ADRM1: variants seen among roughly 807,000 people sequenced by gnomAD.
The protein encoded by ADRM1 is proteasomal ubiquitin receptor ADRM1.
ADRM1 carries 2 observed loss-of-function variants against 40.1 expected under a neutral mutation model. That is an observed-to-expected ratio of 0.05 (90% CI 0.02 to 0.16). ADRM1 has a LOEUF of 0.16. Ranked by LOEUF, ADRM1 falls within the 10% of genes least tolerant of loss-of-function variation. ADRM1 has a pLI of 1.00. For synonymous variants in ADRM1, 287 were observed against 240.4 expected, an observed-to-expected ratio of 1.19 and a Z score of -1.79; for missense variants, 467 against 552.5, an observed-to-expected ratio of 0.85 and a Z score of 1.55.
At chr20:62,305,670 G>T (rs1163443126) in intron 3 of ADRM1, 1 of 153,994 alleles carries the variant, frequency 6.5e-6, no homozygotes, top group African/African-American at 2.4e-5. Context: ...CATTCGGGGT[G>T]TGCGTGGGTG....
chr20:62,303,573 C>G lies in ADRM1; in HGVS notation c.5C>G (p.Thr2Arg). 6.4e-7 allele frequency: 1 copy of G among 1,569,490 alleles called. No individual in the cohort carries two copies. Among genetic ancestry groups the G allele is most frequent in the Non-Finnish European group, 8.6e-7 (1 of 1,156,932 alleles). MTTSGALFPSLV... is the reference protein window; with the variant it reads MRTSGALFPSLV... Reference sequence around the variant, plus strand: ...CGTCCTCTCCGCGCTTTCAGGATGACGACCTCAGGCGCGCTCTTTCCAAGC... The same window carrying G: ...CGTCCTCTCCGCGCTTTCAGGATGAGGACCTCAGGCGCGCTCTTTCCAAGC... The change falls in exon 2 of 10, where the codon ACG becomes AGG. Residue 2 changes from threonine to arginine, a missense_variant. Physicochemically the swap from Thr to Arg is moderately conservative, Grantham distance 71 (BLOSUM62 -1). Transcript: ENST00000253003.
At chr20:62,303,367 C>T (rs1005217687) in intron 1 of ADRM1, 1 of 532,764 alleles carries the variant, frequency 1.9e-6, no homozygotes, top group Non-Finnish European at 3.3e-6. Flanking sequence ...CTTGGCGGGG[C>T]TGCCCCGGCC....
intron 5 of ADRM1, among the ~76,000 whole-genome samples, 168 bp from the exon 6 acceptor site, chr20:62,307,203 A>G (rs950919304): frequency 1.8e-4 from 28 of 152,158 alleles, no homozygotes; most frequent in African/African-American, 6.5e-4. Flanking sequence ...ACACAGCCGC[A>G]AGTGTCCACC....
chr20:62,308,692 C>CAAGCCCGAGCAG lies in ADRM1; in HGVS notation c.1158_1169dup (p.Pro387_Lys390dup). 6.2e-7 allele frequency: 1 copy of CAAGCCCGAGCAG among 1,613,000 alleles called. No homozygotes were observed. The highest frequency in any genetic ancestry group is 8.5e-7 in the Non-Finnish European group (1 of 1,179,968). ...TTGCCAAAGCCATGCAGAACAACGC[C>CAAGCCCGAGCAG]AAGCCCGAGCAGAAAGAGGGCGACA... On this transcript the variant is annotated inframe_insertion, in exon 10 of 10. Coordinates refer to ENST00000253003, the MANE Select transcript of ADRM1 (RefSeq NM_007002.4).
intron 3 of ADRM1, chr20:62,305,704 C>T (rs76765338): frequency 1.0e-3 from 160 of 155,206 alleles, no homozygotes; most frequent in African/African-American, 3.8e-3. Flanking sequence ...TCTGTGAGCT[C>T]GCAGGTCGAT....
chr20:62,303,300 G>T (rs1014648904), intron 1 of ADRM1: 1 of 303,412 alleles, frequency 3.3e-6, no homozygotes. Context: ...CCGGGGTGGC[G>T]CGTCGAGGCT....
chr20:62,306,377 G>A, intron 4 of ADRM1, 57 bp downstream of exon 4: 1 of 1,610,914 alleles, frequency 6.2e-7, no homozygotes, highest in South Asian at 1.1e-5. Flanking sequence ...AGAGTCTACT[G>A]TGGATGACTC....
At chr20:62,308,309 G>T (rs1985457995) in intron 8 of ADRM1, 59 bp from the exon 9 acceptor site, 2 of 1,551,724 alleles carry the variant, frequency 1.3e-6, no homozygotes, top group Non-Finnish European at 8.7e-7. Flanking sequence ...CAGCTGAGCA[G>T]TGTGGCTCTG....
chr20:62,306,638 T>C lies in ADRM1; in HGVS notation c.455-10T>C. 4 of 1,602,994 alleles carry C rather than the reference T, an allele frequency of 2.5e-6. No homozygotes were observed. Among genetic ancestry groups the C allele is most frequent in the Non-Finnish European group, 2.6e-6 (3 of 1,175,106 alleles). ...TGGGGCAGGCCCGCCTGAGCTGCAG[T>C]GTTTTCCAGGTGAGGGTGGCCTGCA... On this transcript the variant is annotated splice_polypyrimidine_tract_variant and intron_variant, in intron 4 of 9. Coordinates refer to ENST00000253003, the MANE Select transcript of ADRM1 (RefSeq NM_007002.4).
intron 9 of ADRM1, 21 bp downstream of exon 9, chr20:62,308,491 C>T (rs776639451): frequency 3.8e-6 from 6 of 1,583,682 alleles, no homozygotes; most frequent in Non-Finnish European, 5.1e-6. Context: ...GCGCCTGCAC[C>T]TCCAGGCCAG....
chr20:62,307,400 C>G lies in ADRM1; in HGVS notation c.571C>G (p.Leu191Val), dbSNP rs773877054. Residue 191 changes from leucine (L) to valine (V), a missense_variant, in exon 6 of 10, where the codon CTG becomes GTG. Physicochemically the swap from Leu to Val is conservative, Grantham distance 32. This residue lies in a region of ADRM1 where 418 missense variants were observed against 474.6 expected (regional missense o/e 0.88). Transcript: ENST00000253003. ...GCTGGGGGCCCTGACTGGACCTGGC[C>G]TGGCCAGCTTACTGGGGAGCAGTGG... ...GGLGALTGPG[L>V]ASLLGSSGPP... 1 of 1,605,426 alleles carries G rather than the reference C, an allele frequency of 6.2e-7. No homozygotes were observed. The highest frequency in any genetic ancestry group is 1.3e-5 in the African/African-American group (1 of 74,554).
At chr20:62,305,021 T>A (rs1984690090) in intron 3 of ADRM1, among the ~76,000 whole-genome samples, 1 of 152,238 alleles carries the variant, frequency 6.6e-6, no homozygotes, top group South Asian at 2.1e-4. Flanking sequence ...GGGGTGTCAG[T>A]GCCCAGGGTT....
intron 2 of ADRM1, chr20:62,304,207 TCCAGCA>T (rs1375570477): frequency 3.2e-5 from 17 of 530,276 alleles, no homozygotes; most frequent in Non-Finnish European, 5.8e-5. Flanking sequence ...GAATGTTGTT[TCCAGCA>T]CGTCTCAGAA....
intron 7 of ADRM1, 39 bp from the exon 8 acceptor site, chr20:62,307,982 G>C (rs773326327): frequency 3.8e-6 from 6 of 1,592,570 alleles, no homozygotes; most frequent in Non-Finnish European, 5.1e-6. Flanking sequence ...TGGGCACTTA[G>C]GCTGTCATCG....
rs1327929989 is a variant in ADRM1, at chr20:62,307,751, A to C, written c.779A>C (p.Gln260Pro). 4 of 1,612,020 alleles carry C rather than the reference A, an allele frequency of 2.5e-6. No homozygotes were observed. The highest frequency in any genetic ancestry group is 3.4e-6 in the Non-Finnish European group (4 of 1,179,782). ...GCCAGCACAGCAGCCAGCCCGACCC[A>C]GCCCATCCAGCTGAGCGACCTCCAG... ...NGASTAASPT[Q>P]PIQLSDLQSI... Residue 260 changes from glutamine (Q) to proline (P), a missense_variant, in exon 7 of 10, where the codon CAG becomes CCG. Transcript: ENST00000253003.
At position 62,304,793 on chromosome 20, in the gene ADRM1, C is replaced by G. The variant is rs185460672; in HGVS notation, c.330+216C>G. ...GGCTCCAGGCTGGGCTGCGGGCAAC[C>G]GATTGCGGTGTGAAATTTCCAGGCA... On this transcript the variant is annotated intron_variant, in intron 3 of 9. Transcript: ENST00000253003. 2.0e-5 allele frequency among the ~76,000 whole-genome samples: 3 copies of G among 152,356 alleles called. No homozygotes were observed. The East Asian group carries it at 5.8e-4, about 29-fold the overall frequency.
rs370182891 is a variant in ADRM1, at chr20:62,307,844, G to C, written c.856+16G>C. ...GGCCAGCAAGGTAACGTGTGCTGTC[G>C]CCTGGAGCTGGGTGGGGGGCATGGG... On this transcript the variant is annotated intron_variant, in intron 7 of 9. Transcript: ENST00000253003. The C allele has an allele frequency of 1.9e-6, 3 of 1,586,688 alleles. No individual in the cohort carries two copies. The highest frequency in any genetic ancestry group is 2.6e-6 in the Non-Finnish European group (3 of 1,167,404).
intron 3 of ADRM1, 102 bp downstream of exon 3, chr20:62,304,679 C>G: frequency 9.7e-7 from 1 of 1,029,810 alleles, no homozygotes; most frequent in Non-Finnish European, 1.5e-6. Context: ...CCAGCAGGCG[C>G]CGGCCACACC....
At chr20:62,307,944 C>CTGAG in intron 7 of ADRM1, 77 bp from the exon 8 acceptor site, 2 of 1,559,296 alleles carry the variant, frequency 1.3e-6, no homozygotes, top group Non-Finnish European at 1.7e-6. Context: ...GGGCCATGGG[C>CTGAG]TGAGTCCCTG....
Sources: allele counts gnomAD v4.1 joint callset (sites outside exome capture counted in the v4.1 genomes callset), GRCh38; gene constraint gnomAD v4.1.1; regional missense constraint gnomAD v4.1.1; transcripts MANE v1.5; gene names NCBI Gene and HGNC (gene_info 2026-07-23, HGNC 2026-07-21).